The following FRMD4A variants were observed in gnomAD, a reference collection of about 807,000 sequenced individuals.
FRMD4A encodes the protein FERM domain-containing protein 4A.
A neutral mutation model predicts 129.1 loss-of-function variants in FRMD4A; 29 were observed. That is an observed-to-expected ratio of 0.22 (90% CI 0.17 to 0.31). The LOEUF (loss-of-function observed/expected upper bound fraction) is 0.31, where lower values mean the gene tolerates loss of function less well. FRMD4A is among the 10% of genes least tolerant of loss of function. The pLI, the probability that FRMD4A is intolerant of heterozygous loss-of-function variation, is 1.00. For synonymous variants in FRMD4A, 634 were observed against 571.6 expected (o/e 1.11, Z -1.56); for missense variants, 1,272 against 1,375.8 (o/e 0.92, Z 1.19).
At chr10:14,261,941 A>AACACAC (rs55763234) in intron 2 of FRMD4A, among the ~76,000 whole-genome samples, 9,160 of 128,106 alleles carry the variant, frequency 0.072, 430 homozygotes, top group Middle Eastern at 0.11. Context: ...CACCACACCA[A>AACACAC]ACACACACAC....
intron 2 of FRMD4A, among the ~76,000 whole-genome samples, chr10:13,954,001 C>T (rs376687118): frequency 2.6e-5 from 4 of 152,176 alleles, no homozygotes; most frequent in African/African-American, 4.8e-5. Context: ...GGGCAGCAGC[C>T]GGTACTTATC....
At chr10:13,789,658 G>T (rs574592280) in intron 5 of FRMD4A, among the ~76,000 whole-genome samples, 4 of 150,990 alleles carry the variant, frequency 2.6e-5, no homozygotes, top group Non-Finnish European at 4.4e-5. Flanking sequence ...TCTAAAGCTT[G>T]CCTGGTGAAC....
intron 2 of FRMD4A, among the ~76,000 whole-genome samples, chr10:14,156,381 T>C (rs112433329): frequency 0.021 from 3,132 of 152,324 alleles, 57 homozygotes; most frequent in Non-Finnish European, 0.036. Context: ...ACACTAAAAC[T>C]ATTGAGTGAA....
At chr10:14,111,308 C>T (rs1026643147) in intron 2 of FRMD4A, among the ~76,000 whole-genome samples, 1 of 152,040 alleles carries the variant, frequency 6.6e-6, no homozygotes, top group African/African-American at 2.4e-5. Flanking sequence ...ATTCTACCCT[C>T]GATTTATTTA....
At chr10:14,067,512 T>C (rs1446019837) in intron 2 of FRMD4A, among the ~76,000 whole-genome samples, 2 of 151,932 alleles carry the variant, frequency 1.3e-5, no homozygotes, top group African/African-American at 2.4e-5. Context: ...CCTTGCCCAC[T>C]GCCTTATTAA....
At chr10:14,039,381 TCC>T (rs1242953852) in intron 2 of FRMD4A, among the ~76,000 whole-genome samples, 4,370 of 140,262 alleles carry the variant, frequency 0.031, 145 homozygotes, top group African/African-American at 0.08. Flanking sequence ...CATCCATCCA[TCC>T]ATCCATCCAT....
intron 6 of FRMD4A, among the ~76,000 whole-genome samples, chr10:13,765,120 T>TG (rs2092238267): frequency 1.3e-5 from 2 of 148,232 alleles, no homozygotes; most frequent in Non-Finnish European, 3.0e-5. Context: ...TTTTGTTTTT[T>TG]TTTTTTTTTT....
chr10:14,108,329 G>A (rs1837692981), intron 2 of FRMD4A, among the ~76,000 whole-genome samples: 1 of 152,178 alleles, frequency 6.6e-6, no homozygotes, highest in South Asian at 2.1e-4. Flanking sequence ...AAGTGCATTT[G>A]AGCAGACTAT....
chr10:13,689,101 G>A (rs1309540375), intron 15 of FRMD4A, among the ~76,000 whole-genome samples: 1 of 150,580 alleles, frequency 6.6e-6, no homozygotes. Context: ...AGGTAATTAT[G>A]TGTCCTTAAA....
chr10:13,796,854 G>C (rs1230325338), intron 4 of FRMD4A, among the ~76,000 whole-genome samples: 3 of 152,046 alleles, frequency 2.0e-5, no homozygotes, highest in African/African-American at 7.2e-5. Context: ...TGAGTAGCTG[G>C]GACTACAAGC....
At chr10:14,189,246 T>C (rs11258934) in intron 2 of FRMD4A, among the ~76,000 whole-genome samples, 2,714 of 152,100 alleles carry the variant, frequency 0.018, 89 homozygotes, top group East Asian at 0.15. Flanking sequence ...ATGCCAGAAA[T>C]GCAAGAATTT....
intron 2 of FRMD4A, among the ~76,000 whole-genome samples, chr10:13,884,208 T>TCACACACA (rs747364370): frequency 6.1e-5 from 5 of 81,756 alleles, no homozygotes; most frequent in African/African-American, 1.9e-4. Flanking sequence ...ACACACACAC[T>TCACACACA]CACACACACA....
chr10:14,147,511 G>A (rs1295049767), intron 2 of FRMD4A, among the ~76,000 whole-genome samples: 1 of 152,086 alleles, frequency 6.6e-6, no homozygotes, highest in African/African-American at 2.4e-5. Flanking sequence ...TCGCCATAAT[G>A]TAGAATCAGT....
At chr10:14,310,803 A>T (rs958062723) in intron 2 of FRMD4A, among the ~76,000 whole-genome samples, 1 of 152,158 alleles carries the variant, frequency 6.6e-6, no homozygotes, top group Non-Finnish European at 1.5e-5. Context: ...AAGCTCAGCT[A>T]TAGAATCCCT....
chr10:14,240,533 G>T (rs1844004570), intron 2 of FRMD4A, among the ~76,000 whole-genome samples: 1 of 152,148 alleles, frequency 6.6e-6, no homozygotes, highest in African/African-American at 2.4e-5. Context: ...GTGGCTACGG[G>T]CCATTTCTGG....
chr10:14,039,395 C>T (rs554729594), intron 2 of FRMD4A, among the ~76,000 whole-genome samples: 20,580 of 140,806 alleles, frequency 0.15, 1,829 homozygotes, highest in African/African-American at 0.29. Context: ...TCCATCCATC[C>T]ATCCATCCAT....
intron 2 of FRMD4A, among the ~76,000 whole-genome samples, 188 bp from the exon 3 acceptor site, chr10:13,859,100 G>A (rs2094255954): frequency 5.9e-5 from 9 of 152,162 alleles, no homozygotes; most frequent in Admixed American, 5.2e-4. Flanking sequence ...TATTGAGGCC[G>A]GGCGCGGTGG....
chr10:14,233,755 C>G (rs971948196), intron 2 of FRMD4A, among the ~76,000 whole-genome samples: 1 of 152,192 alleles, frequency 6.6e-6, no homozygotes, highest in East Asian at 1.9e-4. Flanking sequence ...AGTTGGGAGG[C>G]TGGGAGAAGG....
intron 2 of FRMD4A, among the ~76,000 whole-genome samples, chr10:13,973,558 G>A (rs1293527137): frequency 6.6e-6 from 1 of 152,060 alleles, no homozygotes; most frequent in Non-Finnish European, 1.5e-5. Flanking sequence ...GCAAAACACG[G>A]TGCATAATTT....
Sources: allele counts gnomAD v4.1 joint callset (sites outside exome capture counted in the v4.1 genomes callset), GRCh38; gene constraint gnomAD v4.1.1; transcripts MANE v1.5; gene names NCBI Gene and HGNC (gene_info 2026-07-23, HGNC 2026-07-21).